CFAP95: variants seen among roughly 807,000 people sequenced by gnomAD.
The protein encoded by CFAP95 is cilia- and flagella-associated protein 95.
the CFAP95 span, chr9:69,844,462 GC>G: frequency 4.3e-4 from 462 of 1,085,846 alleles, 1 homozygote; most frequent in African/African-American, 6.4e-3. Context: ...AAATCTGAAT[GC>G]AATACAGAAT....
chr9:69,888,108 T>G, the CFAP95 span, among the ~76,000 whole-genome samples: 1 of 152,172 alleles, frequency 6.6e-6, no homozygotes, highest in Non-Finnish European at 1.5e-5. Context: ...TAAACCAAAT[T>G]TATAAGTTTA....
At chr9:69,848,516 C>T in the CFAP95 span, among the ~76,000 whole-genome samples, 1 of 152,176 alleles carries the variant, frequency 6.6e-6, no homozygotes, top group African/African-American at 2.4e-5. Context: ...GAACATTCAC[C>T]AGTGCCAGAG....
the CFAP95 span, among the ~76,000 whole-genome samples, chr9:69,862,389 C>T: frequency 6.6e-6 from 1 of 152,138 alleles, no homozygotes; most frequent in African/African-American, 2.4e-5. Context: ...TACATGAACA[C>T]CTTCAACCGG....
the CFAP95 span, among the ~76,000 whole-genome samples, chr9:69,863,690 G>A: frequency 1.3e-5 from 2 of 152,002 alleles, no homozygotes; most frequent in African/African-American, 4.8e-5. Flanking sequence ...TTAAACAAGC[G>A]ATCAGAAACC....
chr9:69,836,915 G>A, the CFAP95 span, among the ~76,000 whole-genome samples: 1 of 135,166 alleles, frequency 7.4e-6, no homozygotes, highest in Admixed American at 8.0e-5. Context: ...AGAGTGTGAT[G>A]TTCCCCTTCC....
At chr9:69,880,397 A>G in the CFAP95 span, among the ~76,000 whole-genome samples, 9 of 152,232 alleles carry the variant, frequency 5.9e-5, no homozygotes, top group African/African-American at 2.2e-4. Flanking sequence ...AAACACGGTG[A>G]GAACATGTGA....
the CFAP95 span, among the ~76,000 whole-genome samples, chr9:69,903,510 C>T: frequency 2.0e-5 from 3 of 152,190 alleles, no homozygotes; most frequent in Non-Finnish European, 4.4e-5. Flanking sequence ...GCTTACTATG[C>T]TCACCTCTTC....
chr9:69,831,049 A>G, the CFAP95 span, among the ~76,000 whole-genome samples: 2 of 152,166 alleles, frequency 1.3e-5, no homozygotes, highest in African/African-American at 2.4e-5. Flanking sequence ...TATTGGTCAC[A>G]CCGTGTATTT....
the CFAP95 span, among the ~76,000 whole-genome samples, chr9:69,841,492 CA>C: frequency 6.6e-6 from 1 of 151,894 alleles, no homozygotes; most frequent in African/African-American, 2.4e-5. Context: ...TGTTCCACAG[CA>C]AATGAAGAAT....
the CFAP95 span, among the ~76,000 whole-genome samples, chr9:69,825,400 T>C: frequency 6.6e-6 from 1 of 152,316 alleles, no homozygotes; most frequent in South Asian, 2.1e-4. Context: ...TTAAAATCCG[T>C]TGTGTATAAT....
the CFAP95 span, chr9:69,857,872 C>G: frequency 1.9e-6 from 3 of 1,593,952 alleles, no homozygotes; most frequent in Non-Finnish European, 2.6e-6. Flanking sequence ...ACATTACACT[C>G]TAACAAGTTT....
At chr9:69,880,666 A>C in the CFAP95 span, among the ~76,000 whole-genome samples, 1 of 152,132 alleles carries the variant, frequency 6.6e-6, no homozygotes, top group Non-Finnish European at 1.5e-5. Flanking sequence ...TTTGTTTTGC[A>C]TATATACCCA....
the CFAP95 span, among the ~76,000 whole-genome samples, chr9:69,836,837 G>A: frequency 0.16 from 24,416 of 149,040 alleles, 2,463 homozygotes; most frequent in Admixed American, 0.24. Context: ...TCACTAACTC[G>A]TCATCTAGCA....
chr9:69,824,976 G>A, the CFAP95 span, among the ~76,000 whole-genome samples: 2 of 152,262 alleles, frequency 1.3e-5, no homozygotes, highest in South Asian at 4.1e-4. Flanking sequence ...TTGTTCTTCC[G>A]TATCCAACCA....
chr9:69,856,733 A>T, the CFAP95 span: 1 of 1,200,244 alleles, frequency 8.3e-7, no homozygotes, highest in Non-Finnish European at 1.2e-6. Context: ...GACTTGTATA[A>T]GTAGCAAAAA....
At chr9:69,856,787 C>A in the CFAP95 span, 2 of 578,350 alleles carry the variant, frequency 3.5e-6, no homozygotes, top group East Asian at 5.9e-5. Flanking sequence ...ATATCAAGCA[C>A]ATTTGTCTCA....
the CFAP95 span, among the ~76,000 whole-genome samples, chr9:69,843,269 C>T: frequency 6.6e-6 from 1 of 151,786 alleles, no homozygotes; most frequent in African/African-American, 2.4e-5. Flanking sequence ...CTTGAGTGTC[C>T]CCTAAACAAT....
the CFAP95 span, among the ~76,000 whole-genome samples, chr9:69,885,407 G>T: frequency 1.4e-4 from 22 of 152,116 alleles, no homozygotes; most frequent in African/African-American, 5.3e-4. Context: ...GATAGCTGAG[G>T]TTTCTCTGGT....
the CFAP95 span, among the ~76,000 whole-genome samples, chr9:69,839,868 G>T: frequency 6.6e-6 from 1 of 151,066 alleles, no homozygotes; most frequent in Admixed American, 6.6e-5. Context: ...CGAAGGTCAG[G>T]AGTTCGAGAC....
Sources: gnomAD v4.1 joint callset for allele counts (sites outside exome capture counted in the v4.1 genomes callset) on GRCh38, gnomAD v4.1.1 for gene constraint, MANE v1.5 for transcripts, NCBI Gene and HGNC (gene_info 2026-07-23, HGNC 2026-07-21) for gene names.